Variants in ANK2 observed in about 807,000 individuals in gnomAD.
ANK2 encodes ankyrin 2, also known as ankyrin-2.
A neutral mutation model predicts 360.5 loss-of-function variants in ANK2; 83 were observed. That is an observed-to-expected ratio of 0.23 (90% CI 0.19 to 0.28). The LOEUF is 0.28. ANK2 is among the 10% of genes least tolerant of loss of function. The pLI, the probability that ANK2 is intolerant of heterozygous loss-of-function variation, is 1.00. For synonymous variants in ANK2, 1,740 were observed against 1,759.5 expected, an observed-to-expected ratio of 0.99 and a Z score of 0.28; for missense variants, 4,201 against 4,795.7, an observed-to-expected ratio of 0.88 and a Z score of 3.66.
At chr4:113,168,616 T>C (rs1360382227) in intron 1 of ANK2, among the ~76,000 whole-genome samples, 1 of 152,220 alleles carries the variant, frequency 6.6e-6, no homozygotes, top group African/African-American at 2.4e-5. Context: ...GTTTATAAAT[T>C]GGTAGCAGCT....
chr4:112,805,116 C>T, the ANK2 span, among the ~76,000 whole-genome samples: 1 of 152,106 alleles, frequency 6.6e-6, no homozygotes, highest in African/African-American at 2.4e-5. Context: ...AGGATGTGAC[C>T]AGATCATCCC....
chr4:113,373,507 A>G, intron 45 of ANK2, 58 bp downstream of exon 45: 1 of 1,551,714 alleles, frequency 6.4e-7, no homozygotes, highest in Non-Finnish European at 8.9e-7. Context: ...ATAGAGCTCA[A>G]GAAAGATGAG....
At chr4:112,928,545 G>A (rs1352501234) in intron 2 of ANK2, among the ~76,000 whole-genome samples, 8 of 152,066 alleles carry the variant, frequency 5.3e-5, no homozygotes, top group African/African-American at 1.4e-4. Context: ...GAATGTGGCT[G>A]TACTTGGTTA....
intron 1 of ANK2, chr4:113,117,415 A>G (rs1361761196): frequency 4.4e-6 from 2 of 456,140 alleles, no homozygotes; most frequent in African/African-American, 2.0e-5. Context: ...AACGAAAAAG[A>G]AAGGTATGAG....
Position 113,091,636 on chromosome 4 carries a change from T to G in ANK2, c.84+41824T>G, listed in dbSNP as rs560994381. On this transcript the variant is annotated intron_variant, in intron 1 of 45. Coordinates refer to ENST00000357077, the MANE Select transcript of ANK2 (RefSeq NM_001148.6). The stretch of plus-strand genomic sequence containing the variant: ...AATAGCAGTAGCTAACGTTATGCAG[T>G]GCTTATTATGTGCCATCCCTTTGAG... Among the ~76,000 whole-genome samples the G allele has an allele frequency of 2.0e-5, 3 of 152,346 alleles. No homozygotes were observed. In the South Asian group the frequency reaches 6.2e-4, roughly 32 times the overall value.
chr4:113,288,711 T>C (rs1221217297), intron 20 of ANK2, among the ~76,000 whole-genome samples: 1 of 152,206 alleles, frequency 6.6e-6, no homozygotes, highest in Non-Finnish European at 1.5e-5. Flanking sequence ...AAAGTTAAAG[T>C]AGCTGACATC....
chr4:112,982,057 G>A lies in ANK2; in HGVS notation c.21+77543G>A, dbSNP rs2043263826. On this transcript the variant is annotated intron_variant, in intron 2 of 30. Transcript: ENST00000503271. ...CCTTAATTCTTTCTAGTTAAACTGA[G>A]ACAAGGTTTAAATGTTTAAAAAAAG... Among the ~76,000 whole-genome samples, 3 of 152,162 alleles carry A rather than the reference G, an allele frequency of 2.0e-5. No individual in the cohort carries two copies. The South Asian group carries it at 6.2e-4, about 32-fold the overall frequency.
chr4:113,112,170 TA>T (rs1389625782), intron 1 of ANK2, among the ~76,000 whole-genome samples: 3 of 152,224 alleles, frequency 2.0e-5, no homozygotes, highest in East Asian at 3.8e-4. Flanking sequence ...TATAGTAAAT[TA>T]AAAGAATGAT....
intron 1 of ANK2, among the ~76,000 whole-genome samples, chr4:113,156,779 C>A (rs992136894): frequency 1.3e-5 from 1 of 75,452 alleles, no homozygotes; most frequent in Non-Finnish European, 2.6e-5. Context: ...TTTCAAATGT[C>A]CTATATATAT....
chr4:113,189,598 C>A (rs371387964), intron 2 of ANK2, among the ~76,000 whole-genome samples: 8 of 152,104 alleles, frequency 5.3e-5, no homozygotes, highest in African/African-American at 1.2e-4. Context: ...GTATTTTGTT[C>A]AAAAATATTT....
At chr4:113,117,736 A>G (rs1417157955) in intron 1 of ANK2, among the ~76,000 whole-genome samples, 1 of 152,194 alleles carries the variant, frequency 6.6e-6, no homozygotes. Flanking sequence ...TGGGCACAGA[A>G]GAAGGAAGGG....
chr4:112,909,134 A>T (rs1008263488), intron 2 of ANK2, among the ~76,000 whole-genome samples: 18 of 152,186 alleles, frequency 1.2e-4, no homozygotes, highest in African/African-American at 3.6e-4. Context: ...TGATAATTGT[A>T]TATTTCTGTT....
chr4:112,939,532 C>T (rs1013976901), intron 2 of ANK2, among the ~76,000 whole-genome samples: 2 of 151,998 alleles, frequency 1.3e-5, no homozygotes, highest in African/African-American at 4.8e-5. Flanking sequence ...CCAGGCTGGT[C>T]TCAACCTCCT....
chr4:112,874,731 C>G (rs993826788), intron 1 of ANK2, among the ~76,000 whole-genome samples: 1 of 150,804 alleles, frequency 6.6e-6, no homozygotes, highest in Non-Finnish European at 1.5e-5. Flanking sequence ...TGGGAAATGA[C>G]TCTGGATAAA....
intron 36 of ANK2, 99 bp from the exon 37 acceptor site, chr4:113,350,129 C>A: frequency 9.2e-7 from 1 of 1,089,856 alleles, no homozygotes; most frequent in Non-Finnish European, 1.4e-6. Flanking sequence ...TGGTGTCACC[C>A]AACATGTATA....
intron 1 of ANK2, among the ~76,000 whole-genome samples, chr4:112,828,362 T>C (rs2149619496): frequency 6.6e-6 from 1 of 151,114 alleles, no homozygotes; most frequent in East Asian, 2.0e-4. Context: ...GCCTCCCTCG[T>C]AGCTGGAATT....
At chr4:113,240,607 T>C in intron 8 of ANK2, 24 bp downstream of exon 8, 1 of 1,557,864 alleles carries the variant, frequency 6.4e-7, no homozygotes, top group Non-Finnish European at 8.9e-7. Context: ...TAGTTTCTCA[T>C]TCTAGATAGC....
At chr4:112,802,718 G>A in the ANK2 span, among the ~76,000 whole-genome samples, 1 of 152,086 alleles carries the variant, frequency 6.6e-6, no homozygotes. Context: ...TGAAGTGACA[G>A]GCAATGTAGA....
intron 2 of ANK2, among the ~76,000 whole-genome samples, chr4:113,017,010 A>G (rs2056823085): frequency 6.6e-6 from 1 of 152,180 alleles, no homozygotes; most frequent in Non-Finnish European, 1.5e-5. Context: ...CGTTCACTTC[A>G]TTTTTATGCA....
Sources: gnomAD v4.1 joint callset for allele counts (sites outside exome capture counted in the v4.1 genomes callset) on GRCh38, gnomAD v4.1.1 for gene constraint, MANE v1.5 for transcripts, NCBI Gene and HGNC (gene_info 2026-07-23, HGNC 2026-07-21) for gene names.